KPNA1: variants seen among roughly 807,000 people sequenced by gnomAD.
The protein encoded by KPNA1 is karyopherin subunit alpha 1, also known as importin subunit alpha-5.
Under a neutral mutation model 70.5 loss-of-function variants are expected in KPNA1, and 10 were observed. The observed-to-expected ratio is 0.14, with a 90% CI of 0.09 to 0.24. The LOEUF (loss-of-function observed/expected upper bound fraction) is 0.24, where lower values mean the gene tolerates loss of function less well. Ranked by LOEUF, KPNA1 falls within the 10% of genes least tolerant of loss-of-function variation. The pLI is 1.00. For synonymous variants in KPNA1, 192 were observed against 221.9 expected, an observed-to-expected ratio of 0.87 and a Z score of 1.20; for missense variants, 397 against 637.9, an observed-to-expected ratio of 0.62 and a Z score of 4.07.
At chr3:122,450,518 G>T (rs2076188125) in intron 8 of KPNA1, among the ~76,000 whole-genome samples, 1 of 152,160 alleles carries the variant, frequency 6.6e-6, no homozygotes, top group South Asian at 2.1e-4. Context: ...GGAGGCAGAG[G>T]TTGCAGTGTG....
chr3:122,504,959 T>C (rs2076874085), intron 1 of KPNA1, among the ~76,000 whole-genome samples: 1 of 152,000 alleles, frequency 6.6e-6, no homozygotes, highest in Non-Finnish European at 1.5e-5. Context: ...AAGAGTCTAA[T>C]TAATGTGTCT....
At position 122,499,993 on chromosome 3, in the gene KPNA1, G is replaced by A. The variant is rs904131950; in HGVS notation, c.-5-3423C>T. Reference sequence around the variant, plus strand: ...GTGACTACTATTTCAGTGTCTTCACGTGTTACAGGTCTATTCAGATTGTCT... The same window carrying A: ...GTGACTACTATTTCAGTGTCTTCACATGTTACAGGTCTATTCAGATTGTCT... On this transcript the variant is annotated intron_variant, in intron 1 of 13. Coordinates refer to ENST00000344337, the MANE Select transcript of KPNA1 (RefSeq NM_002264.4). Among the ~76,000 whole-genome samples, 9 of 152,164 alleles carry A rather than the reference G, an allele frequency of 5.9e-5. No individual in the cohort carries two copies. The East Asian group carries it at 1.2e-3, about 20-fold the overall frequency.
intron 5 of KPNA1, chr3:122,460,795 G>A (rs2076315943): frequency 5.6e-6 from 2 of 359,768 alleles, no homozygotes; most frequent in African/African-American, 2.2e-5. Context: ...GGCTTTTTGT[G>A]GGGTGGAGGA....
chr3:122,496,437 C>T lies in KPNA1; in HGVS notation c.129G>A (p.Gln43=). ...AAATGAATAAAGGTAAAGGATTTAC[C>T]TGCTCTTCTCTTTTCTGCTTTCGTA... is the stretch of plus-strand genomic sequence containing the variant. The part of the protein sequence containing the change: ...LQLRKQKREE[Q]LFKRRNVATA... The change falls in exon 2 of 14, where the codon CAG becomes CAA. Residue 43 remains glutamine, a splice_region_variant and synonymous_variant. Coordinates refer to ENST00000344337, the MANE Select transcript of KPNA1 (RefSeq NM_002264.4). 3 of 1,612,174 alleles carry T rather than the reference C, an allele frequency of 1.9e-6. No homozygotes were observed. The highest frequency in any genetic ancestry group is 2.5e-6 in the Non-Finnish European group (3 of 1,178,792).
At chr3:122,457,426 G>T (rs1372382214) in intron 5 of KPNA1, among the ~76,000 whole-genome samples, 1 of 152,076 alleles carries the variant, frequency 6.6e-6, no homozygotes, top group Admixed American at 6.5e-5. Flanking sequence ...GGTATTGCCT[G>T]AAGTAACAAA....
intron 2 of KPNA1, among the ~76,000 whole-genome samples, chr3:122,492,081 C>T (rs1221118785): frequency 3.3e-5 from 5 of 151,528 alleles, no homozygotes; most frequent in South Asian, 2.1e-4. Flanking sequence ...AGGATGGTCT[C>T]GATCTCCTGA....
Position 122,502,814 on chromosome 3 carries a change from G to T in KPNA1, c.-5-6244C>A, listed in dbSNP as rs138634582. Among the ~76,000 whole-genome samples, 389 of 152,250 alleles carry T rather than the reference G, an allele frequency of 2.6e-3. 3 individuals are homozygous for T. The highest frequency in any genetic ancestry group is 9.2e-3 in the African/African-American group (381 of 41,558). On this transcript the variant is annotated intron_variant, in intron 1 of 13. Coordinates refer to ENST00000344337, the MANE Select transcript of KPNA1 (RefSeq NM_002264.4). Reference sequence around the variant, plus strand: ...GGCACAATAATAGTAGTGTTGCAATGATGTCCCAAATTCAAAATCTGAGTG... The same window carrying T: ...GGCACAATAATAGTAGTGTTGCAATTATGTCCCAAATTCAAAATCTGAGTG...
rs1407839980 is a variant in KPNA1 at position 122,509,482 on chromosome 3, GAATGAA to G, written c.-6+5269_-6+5274del. On this transcript the variant is annotated intron_variant, in intron 1 of 13. Transcript: ENST00000344337. ...GGCAACTCAGGGATCAATTCCTAGG[GAATGAA>G]AAGTAAAATGTGGTAGATCTGCATT... Among the ~76,000 whole-genome samples the G allele has an allele frequency of 6.6e-5, 10 of 152,174 alleles. No homozygotes were observed. The South Asian group carries it at 8.3e-4, about 13-fold the overall frequency.
chr3:122,498,811 A>C (rs1164378474), intron 1 of KPNA1, among the ~76,000 whole-genome samples: 1 of 152,198 alleles, frequency 6.6e-6, no homozygotes, highest in East Asian at 1.9e-4. Flanking sequence ...GATTCTGATA[A>C]GAGACTGCAC....
chr3:122,484,843 G>A (rs959640789), intron 2 of KPNA1, among the ~76,000 whole-genome samples: 1 of 152,022 alleles, frequency 6.6e-6, no homozygotes, highest in Non-Finnish European at 1.5e-5. Context: ...TGTACAAACT[G>A]AATAGCTGAT....
chr3:122,439,796 GTAACAA>G (rs1366947752), intron 10 of KPNA1, among the ~76,000 whole-genome samples: 1 of 152,082 alleles, frequency 6.6e-6, no homozygotes, highest in Non-Finnish European at 1.5e-5. Flanking sequence ...TGGGGATCTA[GTAACAA>G]TAACAATCAA....
intron 9 of KPNA1, among the ~76,000 whole-genome samples, chr3:122,447,462 A>C (rs1184797006): frequency 6.6e-6 from 1 of 152,230 alleles, no homozygotes; most frequent in East Asian, 1.9e-4. Flanking sequence ...GCCTTTGACA[A>C]AATTCAACAG....
At chr3:122,498,471 T>TA (rs2076788333) in intron 1 of KPNA1, among the ~76,000 whole-genome samples, 2 of 152,206 alleles carry the variant, frequency 1.3e-5, no homozygotes. Context: ...AAATTTCTAT[T>TA]GTCTGTTAGC....
Position 122,495,262 on chromosome 3 carries a change from C to CAAAAAAAAAAAAAAAAAA in KPNA1, c.129+1174_129+1175insTTTTTTTTTTTTTTTTTT, listed in dbSNP as rs748751423. ...GAGCGAGACTCTGCCTCAAACAAAC[C>CAAAAAAAAAAAAAAAAAA]AAAAAAAAAAAAAGAAAAGGAAATT... On this transcript the variant is annotated intron_variant, in intron 2 of 13. Transcript: ENST00000344337. Among the ~76,000 whole-genome samples the CAAAAAAAAAAAAAAAAAA allele has an allele frequency of 6.7e-3, 575 of 85,886 alleles. 4 individuals carry two copies. The highest frequency in any genetic ancestry group is 0.011 in the Middle Eastern group (2 of 180). 56.3% of individuals were successfully genotyped at this position (85,886 alleles called of 152,430 possible).
At chr3:122,487,365 T>A (rs938636616) in intron 2 of KPNA1, among the ~76,000 whole-genome samples, 1 of 152,220 alleles carries the variant, frequency 6.6e-6, no homozygotes, top group Admixed American at 6.5e-5. Flanking sequence ...TCTTGAAATA[T>A]TAAAAATGAA....
chr3:122,427,317 A>G, intron 13 of KPNA1, 145 bp from the exon 14 acceptor site: 1 of 749,734 alleles, frequency 1.3e-6, no homozygotes, highest in Non-Finnish European at 2.1e-6. Context: ...TAAGTATTTT[A>G]TAATAGCACA....
chr3:122,489,053 CGTGCGTGTGTGTGTGTGT>C (rs2076664647), intron 2 of KPNA1, among the ~76,000 whole-genome samples: 1 of 118,738 alleles, frequency 8.4e-6, no homozygotes, highest in Non-Finnish European at 1.7e-5. Flanking sequence ...GGTTTTTTTG[CGTGCGTGTGTGTGTGTGT>C]GTGTGTGTGT....
At chr3:122,446,603 T>A (rs2076142079) in intron 9 of KPNA1, among the ~76,000 whole-genome samples, 1 of 151,936 alleles carries the variant, frequency 6.6e-6, no homozygotes, top group Admixed American at 6.6e-5. Flanking sequence ...AACATCACCA[T>A]TAAAAGAACT....
intron 2 of KPNA1, among the ~76,000 whole-genome samples, chr3:122,486,399 G>A (rs948108852): frequency 6.6e-6 from 1 of 152,134 alleles, no homozygotes; most frequent in Non-Finnish European, 1.5e-5. Context: ...TTCCATTTAT[G>A]GTAACTAATC....
Sources: gnomAD v4.1 joint callset for allele counts (sites outside exome capture counted in the v4.1 genomes callset) on GRCh38, gnomAD v4.1.1 for gene constraint, MANE v1.5 for transcripts, NCBI Gene and HGNC (gene_info 2026-07-23, HGNC 2026-07-21) for gene names.